RALGAPA1: variants seen among roughly 807,000 people sequenced by gnomAD.
The protein encoded by RALGAPA1 is ral GTPase-activating protein subunit alpha-1.
A neutral mutation model predicts 269.6 loss-of-function variants in RALGAPA1; 52 were observed. The ratio of observed to expected loss-of-function variants is 0.19; its 90% confidence interval spans 0.15 to 0.24. The LOEUF is 0.24. RALGAPA1 is among the 10% of genes least tolerant of loss of function. The pLI, the probability that RALGAPA1 is intolerant of heterozygous loss-of-function variation, is 1.00. For missense variants in RALGAPA1, 1,917 were observed against 3,013.9 expected (o/e 0.64, Z 8.52); for synonymous variants, 817 against 1,008.3 (o/e 0.81, Z 3.60).
chr14:35,693,844 G>C (rs955775342), intron 17 of RALGAPA1, among the ~76,000 whole-genome samples: 1 of 151,956 alleles, frequency 6.6e-6, no homozygotes, highest in African/African-American at 2.4e-5. Flanking sequence ...ATTATTTCTA[G>C]ATTAAAAAAC....
chr14:35,692,896 T>C (rs1298734720), intron 17 of RALGAPA1, among the ~76,000 whole-genome samples: 2 of 151,972 alleles, frequency 1.3e-5, no homozygotes, highest in Non-Finnish European at 2.9e-5. Context: ...CTAAACTATA[T>C]ATAGTATTTT....
chr14:35,625,685 C>T (rs1046337614), intron 34 of RALGAPA1, among the ~76,000 whole-genome samples: 1 of 152,134 alleles, frequency 6.6e-6, no homozygotes, highest in African/African-American at 2.4e-5. Context: ...TGTTGTGAGC[C>T]TCCTAAACTC....
At chr14:35,762,499 A>C (rs1295791515) in intron 5 of RALGAPA1, among the ~76,000 whole-genome samples, 1 of 152,096 alleles carries the variant, frequency 6.6e-6, no homozygotes, top group Non-Finnish European at 1.5e-5. Context: ...CAAGTGGTCC[A>C]CCCACCTCAG....
At chr14:35,586,386 C>T (rs2058291104) in intron 37 of RALGAPA1, among the ~76,000 whole-genome samples, 1 of 152,178 alleles carries the variant, frequency 6.6e-6, no homozygotes, top group Non-Finnish European at 1.5e-5. Context: ...ACAATCATGT[C>T]ATCTGCAAAC....
At chr14:35,722,129 GA>G (rs1330614661) in intron 15 of RALGAPA1, among the ~76,000 whole-genome samples, 1 of 151,528 alleles carries the variant, frequency 6.6e-6, no homozygotes, top group Middle Eastern at 3.2e-3. Flanking sequence ...ATTTAGACAA[GA>G]AAAAAAAGAC....
intron 37 of RALGAPA1, among the ~76,000 whole-genome samples, chr14:35,591,500 G>A (rs1372145378): frequency 6.6e-6 from 1 of 151,996 alleles, no homozygotes; most frequent in African/African-American, 2.4e-5. Context: ...ATTTTTGGCA[G>A]GGGGTCTTGC....
chr14:35,616,187 T>C (rs745437992), intron 35 of RALGAPA1, among the ~76,000 whole-genome samples: 49 of 152,130 alleles, frequency 3.2e-4, no homozygotes, highest in Middle Eastern at 3.4e-3. Context: ...AACATAAATA[T>C]GACCATCAGG....
At chr14:35,681,724 G>A (rs1277284430) in intron 21 of RALGAPA1, among the ~76,000 whole-genome samples, 8 of 152,070 alleles carry the variant, frequency 5.3e-5, no homozygotes, top group African/African-American at 1.9e-4. Flanking sequence ...ACATGGTCTT[G>A]TAACCAACAT....
intron 31 of RALGAPA1, 68 bp from the exon 32 acceptor site, chr14:35,635,666 C>A: frequency 7.3e-7 from 1 of 1,366,944 alleles, no homozygotes; most frequent in Non-Finnish European, 9.6e-7. Context: ...AATTCATTTT[C>A]TTATTCTTGA....
At chr14:35,552,167 C>A (rs2055079825) in intron 39 of RALGAPA1, among the ~76,000 whole-genome samples, 2 of 151,946 alleles carry the variant, frequency 1.3e-5, no homozygotes, top group African/African-American at 4.8e-5. Context: ...ACTTACATCC[C>A]CCCCCGGCCC....
chr14:35,742,599 C>A (rs2071664639), intron 10 of RALGAPA1, 34 bp from the exon 11 acceptor site: 1 of 1,482,074 alleles, frequency 6.7e-7, no homozygotes, highest in Non-Finnish European at 9.4e-7. Context: ...GATAATGATA[C>A]TTTTTCCTTT....
chr14:35,739,535 GATTCCCCCCA>G (rs1567128824), intron 11 of RALGAPA1, among the ~76,000 whole-genome samples: 1 of 152,060 alleles, frequency 6.6e-6, no homozygotes, highest in Non-Finnish European at 1.5e-5. Context: ...TTATTAATCA[GATTCCCCCCA>G]ATTCCTGCCA....
At chr14:35,717,703 G>T (rs955626715) in intron 16 of RALGAPA1, among the ~76,000 whole-genome samples, 1 of 151,840 alleles carries the variant, frequency 6.6e-6, no homozygotes, top group Non-Finnish European at 1.5e-5. Context: ...GACTACAGGC[G>T]TGTACTACAA....
At chr14:35,745,120 G>C (rs575767786) in intron 10 of RALGAPA1, among the ~76,000 whole-genome samples, 26 of 152,206 alleles carry the variant, frequency 1.7e-4, no homozygotes, top group African/African-American at 5.8e-4. Flanking sequence ...ACTGTTATTA[G>C]CCATAGCTAA....
Position 35,636,531 on chromosome 14 carries a change from T to A in RALGAPA1, c.5677-933A>T, listed in dbSNP as rs1223847550. 2.6e-5 allele frequency among the ~76,000 whole-genome samples: 4 copies of A among 152,200 alleles called. No individual in the cohort carries two copies. In the South Asian group the frequency reaches 8.3e-4, roughly 32 times the overall value. On this transcript the variant is annotated intron_variant, in intron 31 of 41. Transcript: ENST00000680220. ...ACTTCAAATTATCTATTTTTTTAAT[T>A]TTTATTTTTGAGACAGTCTTGCTCT... is the stretch of plus-strand genomic sequence containing the variant.
chr14:35,637,996 T>C (rs1011430753), intron 31 of RALGAPA1, among the ~76,000 whole-genome samples: 2 of 152,130 alleles, frequency 1.3e-5, no homozygotes, highest in Non-Finnish European at 2.9e-5. Context: ...GGAGAAGAAA[T>C]ACAGACTTTC....
chr14:35,714,485 C>T (rs184950126), intron 16 of RALGAPA1, among the ~76,000 whole-genome samples: 3 of 152,150 alleles, frequency 2.0e-5, no homozygotes, highest in African/African-American at 7.2e-5. Context: ...TGTCTTTTTA[C>T]CTTATATTTT....
chr14:35,570,267 T>C (rs2139437189), intron 39 of RALGAPA1, among the ~76,000 whole-genome samples: 1 of 134,248 alleles, frequency 7.4e-6, no homozygotes, highest in East Asian at 2.1e-4. Context: ...TGAGACTCCA[T>C]CTCAAAAAAA....
intron 1 of RALGAPA1, among the ~76,000 whole-genome samples, chr14:35,800,272 C>T (rs940268840): frequency 6.6e-6 from 1 of 152,178 alleles, no homozygotes; most frequent in African/African-American, 2.4e-5. Flanking sequence ...ACCTAACCTA[C>T]CAAGAGCAGA....
Sources: allele counts gnomAD v4.1 joint callset (sites outside exome capture counted in the v4.1 genomes callset), GRCh38; gene constraint gnomAD v4.1.1; transcripts MANE v1.5; gene names NCBI Gene and HGNC (gene_info 2026-07-23, HGNC 2026-07-21).